RGS6: variants seen among roughly 807,000 people sequenced by gnomAD.
RGS6 encodes the protein regulator of G-protein signaling 6.
RGS6 carries 30 observed loss-of-function variants against 78.5 expected under a neutral mutation model. The ratio of observed to expected loss-of-function variants is 0.38; its 90% CI spans 0.29 to 0.52. The LOEUF (loss-of-function observed/expected upper bound fraction) is 0.52. Among genes scored for constraint, RGS6 ranks in the 20% least tolerant of loss-of-function variants. The pLI is 0.85. For synonymous variants in RGS6, 206 were observed against 206.0 expected, an observed-to-expected ratio of 1.00 and a Z score of 0.00; for missense variants, 495 against 609.7, an observed-to-expected ratio of 0.81 and a Z score of 1.98.
chr14:72,547,403 A>G (rs1490845836), intron 17 of RGS6: 14 of 1,242,238 alleles, frequency 1.1e-5, no homozygotes, highest in Middle Eastern at 2.0e-4. Context: ...AGTCCCCCCA[A>G]AATGAGCTCC....
the RGS6 span, among the ~76,000 whole-genome samples, chr14:71,874,097 T>G: frequency 2.0e-5 from 3 of 152,218 alleles, no homozygotes; most frequent in Non-Finnish European, 4.4e-5. Context: ...CTTTATTCTT[T>G]TTGCTTAGGA....
chr14:72,199,408 C>T (rs1162849116), intron 2 of RGS6, among the ~76,000 whole-genome samples: 1 of 152,120 alleles, frequency 6.6e-6, no homozygotes, highest in Non-Finnish European at 1.5e-5. Flanking sequence ...TACATTGATG[C>T]AACATTGCAA....
chr14:72,596,793 T>C, the RGS6 span, among the ~76,000 whole-genome samples: 1 of 152,224 alleles, frequency 6.6e-6, no homozygotes, highest in East Asian at 1.9e-4. Context: ...CAGAAGTTAT[T>C]ATTTTACAGA....
the RGS6 span, among the ~76,000 whole-genome samples, chr14:72,583,497 A>T: frequency 6.6e-6 from 1 of 152,200 alleles, no homozygotes; most frequent in Non-Finnish European, 1.5e-5. Context: ...AATCTTTGAC[A>T]CATTTGTCCA....
At position 72,418,909 on chromosome 14, in the gene RGS6, A is replaced by G. The variant is rs144770288; in HGVS notation, c.185-35619A>G. 1.6e-4 allele frequency among the ~76,000 whole-genome samples: 25 copies of G among 152,210 alleles called. No homozygotes were observed. In the East Asian group the frequency reaches 3.3e-3, roughly 20 times the overall value. On this transcript the variant is annotated intron_variant, in intron 3 of 17. Coordinates refer to ENST00000553525, the MANE Select transcript of RGS6 (RefSeq NM_001204424.2). ...GACACACACCATATCAAATTGTGCA[A>G]TTTAGCAAATGGCTGGTGGCAGACT...
intron 2 of RGS6, among the ~76,000 whole-genome samples, chr14:72,224,719 A>G (rs1949561): frequency 0.47 from 70,857 of 151,876 alleles, 16,893 homozygotes; most frequent in Middle Eastern, 0.62. Context: ...ATGTGTGTGC[A>G]TCAGTATATA....
At chr14:72,154,869 G>C (rs1223843972) in intron 2 of RGS6, among the ~76,000 whole-genome samples, 1 of 152,188 alleles carries the variant, frequency 6.6e-6, no homozygotes, top group Non-Finnish European at 1.5e-5. Context: ...AGGGGACCTT[G>C]ATGAGTTACA....
At chr14:72,509,050 T>C (rs2096846397) in intron 13 of RGS6, among the ~76,000 whole-genome samples, 1 of 152,162 alleles carries the variant, frequency 6.6e-6, no homozygotes, top group African/African-American at 2.4e-5. Context: ...ATAGCAAAGA[T>C]GAGCTATGCA....
chr14:72,476,664 G>C, intron 10 of RGS6, 78 bp from the exon 11 acceptor site: 1 of 1,082,934 alleles, frequency 9.2e-7, no homozygotes, highest in South Asian at 1.4e-5. Context: ...AATTGGATGA[G>C]TCATTGGACT....
intron 3 of RGS6, among the ~76,000 whole-genome samples, chr14:72,363,566 A>C (rs2081915135): frequency 6.6e-6 from 1 of 152,226 alleles, no homozygotes; most frequent in African/African-American, 2.4e-5. Flanking sequence ...AAAAGATCAG[A>C]GGAAACAGTA....
intron 12 of RGS6, among the ~76,000 whole-genome samples, chr14:72,483,736 A>G (rs938788251): frequency 1.3e-5 from 2 of 151,912 alleles, no homozygotes; most frequent in Non-Finnish European, 2.9e-5. Context: ...GACCGGAGGT[A>G]TCATTACAGC....
chr14:72,455,160 G>A (rs1258370772), intron 4 of RGS6, among the ~76,000 whole-genome samples: 1 of 151,696 alleles, frequency 6.6e-6, no homozygotes, highest in Non-Finnish European at 1.5e-5. Flanking sequence ...AATGGGGGGG[G>A]TGTTCCAGAA....
At chr14:72,101,923 C>G (rs1185257725) in intron 2 of RGS6, among the ~76,000 whole-genome samples, 1 of 152,162 alleles carries the variant, frequency 6.6e-6, no homozygotes, top group East Asian at 1.9e-4. Context: ...CTATTACCTG[C>G]CTTCCACCTG....
chr14:72,250,631 A>G (rs1037284993), intron 2 of RGS6, among the ~76,000 whole-genome samples: 4 of 152,180 alleles, frequency 2.6e-5, no homozygotes, highest in Non-Finnish European at 5.9e-5. Context: ...ACAGAGGATC[A>G]CCTATAAACT....
intron 2 of RGS6, among the ~76,000 whole-genome samples, chr14:72,031,492 T>C (rs1300931930): frequency 3.3e-5 from 5 of 152,164 alleles, no homozygotes; most frequent in African/African-American, 1.2e-4. Context: ...TGTGGTAACA[T>C]AACTCCTCAA....
At chr14:72,375,509 A>G (rs2084475116) in intron 3 of RGS6, among the ~76,000 whole-genome samples, 1 of 152,180 alleles carries the variant, frequency 6.6e-6, no homozygotes. Context: ...GGCCTGAGAA[A>G]GAGCCCCACA....
chr14:72,298,470 C>G (rs1475212099), intron 2 of RGS6, among the ~76,000 whole-genome samples: 1 of 115,386 alleles, frequency 8.7e-6, no homozygotes, highest in African/African-American at 3.4e-5. Flanking sequence ...CCCTCTGAGA[C>G]AGAGTCTCGC....
At position 72,221,149 on chromosome 14, in the gene RGS6, A is replaced by T. The variant is rs78327922; in HGVS notation, c.85-130946A>T. Reference sequence around the variant, plus strand: ...GTCCCAGAGATTTAATCATAAAGTCACACCTTGGGAGAAATATATTTCTTC... The same window carrying T: ...GTCCCAGAGATTTAATCATAAAGTCTCACCTTGGGAGAAATATATTTCTTC... On this transcript the variant is annotated intron_variant, in intron 2 of 17. Coordinates refer to ENST00000553525, the MANE Select transcript of RGS6 (RefSeq NM_001204424.2). Among the ~76,000 whole-genome samples the T allele has an allele frequency of 7.3e-3, 1,117 of 152,288 alleles. 9 individuals are homozygous for T. The highest frequency in any genetic ancestry group is 0.026 in the African/African-American group (1,062 of 41,564).
At chr14:71,875,806 A>G in the RGS6 span, among the ~76,000 whole-genome samples, 1 of 152,284 alleles carries the variant, frequency 6.6e-6, no homozygotes, top group Non-Finnish European at 1.5e-5. Flanking sequence ...CCCTCTACAC[A>G]CTGCTTTAAA....
Sources: allele counts gnomAD v4.1 joint callset (sites outside exome capture counted in the v4.1 genomes callset), GRCh38; gene constraint gnomAD v4.1.1; transcripts MANE v1.5; gene names NCBI Gene and HGNC (gene_info 2026-07-23, HGNC 2026-07-21).